TOP6BL: variants seen among roughly 807,000 people sequenced by gnomAD.
TOP6BL encodes TOP6B like initiator of meiotic double strand breaks, also known as type 2 DNA topoisomerase 6 subunit B-like.
At chr11:66,770,036 C>G in the TOP6BL span, among the ~76,000 whole-genome samples, 2 of 152,066 alleles carry the variant, frequency 1.3e-5, no homozygotes, top group Non-Finnish European at 2.9e-5. Flanking sequence ...TGAGCCACCA[C>G]GGCTGGCCTG....
chr11:66,748,256 T>C, the TOP6BL span: 1 of 761,548 alleles, frequency 1.3e-6, no homozygotes, highest in Non-Finnish European at 2.0e-6. Flanking sequence ...TCTGACATTT[T>C]AGAAGCAAGA....
the TOP6BL span, among the ~76,000 whole-genome samples, chr11:66,805,467 GTT>G: frequency 7.0e-6 from 1 of 142,990 alleles, no homozygotes. Flanking sequence ...GGGCTTTTTT[GTT>G]TTTTTTTTTG....
chr11:66,791,340 G>T, the TOP6BL span, among the ~76,000 whole-genome samples: 1 of 152,068 alleles, frequency 6.6e-6, no homozygotes, highest in Non-Finnish European at 1.5e-5. Flanking sequence ...AAAGCAATCT[G>T]ATTTTATAAG....
At chr11:66,761,639 G>T in the TOP6BL span, 1 of 1,188,846 alleles carries the variant, frequency 8.4e-7, no homozygotes. Flanking sequence ...GTGCTCCGGG[G>T]CTGTGCGAAG....
the TOP6BL span, chr11:66,843,159 G>C: frequency 1.2e-6 from 2 of 1,611,056 alleles, no homozygotes; most frequent in Non-Finnish European, 1.7e-6. Context: ...GGGCCCCCTT[G>C]TTCCCGCAGG....
At chr11:66,801,127 CCTCTGCATGTTTTA>C in the TOP6BL span, 10 of 1,601,906 alleles carry the variant, frequency 6.2e-6, no homozygotes, top group South Asian at 1.1e-4. Flanking sequence ...CCTTGTTGTC[CCTCTGCATGTTTTA>C]CTCTCCTCTC....
the TOP6BL span, chr11:66,744,807 G>A: frequency 2.3e-5 from 29 of 1,270,356 alleles, no homozygotes; most frequent in Middle Eastern, 2.3e-4. Context: ...TTCCAAGCCC[G>A]GGCTGAGGAG....
the TOP6BL span, among the ~76,000 whole-genome samples, chr11:66,833,467 G>C: frequency 2.6e-5 from 4 of 152,084 alleles, no homozygotes; most frequent in Admixed American, 6.5e-5. Flanking sequence ...TATTTGGGGT[G>C]GGGGAGAATG....
At chr11:66,745,309 C>CGGGGGGGGGGGGGGG in the TOP6BL span, among the ~76,000 whole-genome samples, 10 of 11,684 alleles carry the variant, frequency 8.6e-4, no homozygotes, top group South Asian at 2.6e-3. Context: ...CGTTGCGGGG[C>CGGGGGGGGGGGGGGG]GGGGTGGGGG....
chr11:66,765,228 A>G, the TOP6BL span, among the ~76,000 whole-genome samples: 2 of 152,228 alleles, frequency 1.3e-5, no homozygotes, highest in Non-Finnish European at 2.9e-5. Flanking sequence ...ATAACCACAT[A>G]CTCATGCCAA....
the TOP6BL span, among the ~76,000 whole-genome samples, chr11:66,795,400 C>T: frequency 6.6e-6 from 1 of 150,602 alleles, no homozygotes; most frequent in African/African-American, 2.4e-5. Context: ...CTCCCAGGTT[C>T]AAGTGATTCT....
chr11:66,774,069 TTTA>T, the TOP6BL span, among the ~76,000 whole-genome samples: 25 of 152,176 alleles, frequency 1.6e-4, no homozygotes. Flanking sequence ...TAAATTTATA[TTTA>T]TTATTACATC....
chr11:66,840,238 T>C, the TOP6BL span, among the ~76,000 whole-genome samples: 1 of 152,170 alleles, frequency 6.6e-6, no homozygotes, highest in African/African-American at 2.4e-5. Flanking sequence ...CCCCCTGCCT[T>C]TCTGGCCTTT....
the TOP6BL span, among the ~76,000 whole-genome samples, chr11:66,811,972 A>T: frequency 0.016 from 2,409 of 152,282 alleles, 37 homozygotes; most frequent in South Asian, 0.043. Context: ...GAGAGAAAAC[A>T]CTTTTTAAAA....
chr11:66,829,607 G>T, the TOP6BL span, among the ~76,000 whole-genome samples: 1 of 151,768 alleles, frequency 6.6e-6, no homozygotes. Context: ...ATACAGAGGG[G>T]CTGGGAACGA....
At chr11:66,797,263 G>A in the TOP6BL span, among the ~76,000 whole-genome samples, 2 of 151,940 alleles carry the variant, frequency 1.3e-5, no homozygotes, top group Non-Finnish European at 2.9e-5. Context: ...GCCTCCCAAA[G>A]TGCTGGGATT....
At chr11:66,751,942 C>T in the TOP6BL span, among the ~76,000 whole-genome samples, 1 of 152,206 alleles carries the variant, frequency 6.6e-6, no homozygotes, top group South Asian at 2.1e-4. Flanking sequence ...CAATATATTC[C>T]AGTACATCAG....
chr11:66,745,787 C>G, the TOP6BL span, among the ~76,000 whole-genome samples: 1 of 139,602 alleles, frequency 7.2e-6, no homozygotes, highest in Admixed American at 7.6e-5. Context: ...ATGAGAATAT[C>G]TTTAGGGTTT....
chr11:66,805,730 C>G, the TOP6BL span, among the ~76,000 whole-genome samples: 9 of 152,222 alleles, frequency 5.9e-5, no homozygotes, highest in East Asian at 1.7e-3. Context: ...TTTGGGATTA[C>G]AGGCATAAGC....
Sources: gnomAD v4.1 joint callset for allele counts (sites outside exome capture counted in the v4.1 genomes callset) on GRCh38, gnomAD v4.1.1 for gene constraint, MANE v1.5 for transcripts, NCBI Gene and HGNC (gene_info 2026-07-23, HGNC 2026-07-21) for gene names.